The following EFCAB5 variants were observed in gnomAD, a reference collection of about 807,000 sequenced individuals.
EFCAB5 encodes EF-hand calcium-binding domain-containing protein 5.
In EFCAB5, 131 loss-of-function variants were observed where a neutral mutation model predicts 167.9. The ratio of observed to expected loss-of-function variants is 0.78; its 90% confidence interval spans 0.68 to 0.90. The LOEUF is 0.90. EFCAB5 is among the 40% of genes least tolerant of loss of function. The pLI is 0.00. For missense variants in EFCAB5, 1,663 were observed against 1,745.2 expected (o/e 0.95, Z 0.84); for synonymous variants, 574 against 602.8 (o/e 0.95, Z 0.70).
At chr17:29,930,671 C>T (rs1005908254) in intron 1 of EFCAB5, among the ~76,000 whole-genome samples, 1 of 152,204 alleles carries the variant, frequency 6.6e-6, no homozygotes, top group Non-Finnish European at 1.5e-5. Flanking sequence ...ACTCCCTTCA[C>T]CCCGGCTCTC....
In EFCAB5 at chr17:30,090,587, C is replaced by T. The variant is rs1323927008; in HGVS notation, c.3850C>T (p.Leu1284=). The T allele has an allele frequency of 1.2e-6, 2 of 1,613,890 alleles. No individual in the cohort carries two copies. Among genetic ancestry groups the T allele is most frequent in the Admixed American group, 3.3e-5 (2 of 60,014 alleles). The change falls in exon 20 of 23, where the codon CTA becomes TTA. Residue 1284 remains leucine, a synonymous_variant. Coordinates refer to ENST00000394835, the MANE Select transcript of EFCAB5 (RefSeq NM_198529.4). ...RMLLCQEYKD[L]QKMMKVVQVA... ...GTTGTTGTGTCAAGAATATAAAGAT[C>T]TACAGAAAATGATGAAAGTGGTCCA...
At chr17:30,078,156 C>T in intron 14 of EFCAB5, 59 bp from the exon 15 acceptor site, 1 of 1,503,778 alleles carries the variant, frequency 6.6e-7, no homozygotes. Flanking sequence ...GAATGAAAAT[C>T]CCCCCCACCA....
chr17:30,011,496 G>A (rs896645001), intron 7 of EFCAB5, among the ~76,000 whole-genome samples: 2 of 151,990 alleles, frequency 1.3e-5, no homozygotes, highest in Non-Finnish European at 2.9e-5. Context: ...AGTGGTTTGT[G>A]GTTCTCCTTG....
chr17:30,051,398 C>T (rs550234256), intron 9 of EFCAB5, among the ~76,000 whole-genome samples, 181 bp downstream of exon 9: 1 of 152,136 alleles, frequency 6.6e-6, no homozygotes, highest in Non-Finnish European at 1.5e-5. Context: ...ACGAAATTCA[C>T]TCTTCATCAC....
chr17:30,051,121 G>A lies in EFCAB5; in HGVS notation c.1204G>A (p.Gly402Arg). ...LFLHCDHGKV[G>R]FLDRQRTLAL... ...ACAAACTTTCTTCTTTGCTTAGGTA[G>A]GGTTTTTGGATCGGCAGAGGACATT... is the stretch of plus-strand genomic sequence containing the variant. Residue 402 changes from glycine (G) to arginine (R), a missense_variant, in exon 9 of 23, where the codon GGG becomes AGG. By Grantham distance (125) the Gly-to-Arg change is moderately radical (BLOSUM62 -2). Coordinates refer to ENST00000394835, the MANE Select transcript of EFCAB5 (RefSeq NM_198529.4). 1 of 1,613,530 alleles carries A rather than the reference G, an allele frequency of 6.2e-7. No homozygotes were observed. Among genetic ancestry groups the A allele is most frequent in the Non-Finnish European group, 8.5e-7 (1 of 1,179,604 alleles).
intron 3 of EFCAB5, among the ~76,000 whole-genome samples, chr17:29,950,378 T>A (rs930873534): frequency 9.2e-5 from 14 of 151,446 alleles, no homozygotes; most frequent in Non-Finnish European, 2.1e-4. Context: ...CTTTCTTTTT[T>A]AAAAAAATAC....
intron 8 of EFCAB5, among the ~76,000 whole-genome samples, chr17:30,040,069 C>T (rs780310298): frequency 5.3e-5 from 8 of 152,226 alleles, no homozygotes; most frequent in Non-Finnish European, 1.0e-4. Context: ...CTTGTGTGCA[C>T]AGTAGGCCAG....
At chr17:30,011,927 T>G (rs1040623637) in intron 7 of EFCAB5, among the ~76,000 whole-genome samples, 2 of 152,228 alleles carry the variant, frequency 1.3e-5, no homozygotes, top group African/African-American at 4.8e-5. Flanking sequence ...TAATTAATCA[T>G]TAGTAGTACT....
rs147009944 is a variant in EFCAB5, at chr17:30,080,786, T to C, written c.3231T>C (p.His1077=). 4.2e-5 allele frequency: 67 copies of C among 1,610,830 alleles called. 1 individual carries two copies. In the African/African-American group the frequency reaches 6.0e-4, roughly 14 times the overall value. ...FTVVDEGKPI[H]VPQVQYHGNI... is the part of the protein sequence containing the mutation. ...TAGTGGATGAAGGGAAGCCAATCCATGTTCCCCAAGTTCAGTACCATGGGA... is the reference window on the plus strand; with the variant it reads ...TAGTGGATGAAGGGAAGCCAATCCACGTTCCCCAAGTTCAGTACCATGGGA... Residue 1077 remains histidine, a synonymous_variant, in exon 17 of 23, where the codon CAT becomes CAC. Coordinates refer to ENST00000394835, the MANE Select transcript of EFCAB5 (RefSeq NM_198529.4).
intron 14 of EFCAB5, chr17:30,073,066 T>A (rs899450791): frequency 1.6e-6 from 1 of 637,718 alleles, no homozygotes; most frequent in Non-Finnish European, 2.8e-6. Flanking sequence ...CCTTTATTTT[T>A]TTTTTTTTGA....
intron 3 of EFCAB5, among the ~76,000 whole-genome samples, chr17:29,948,388 G>A (rs1311122549): frequency 6.6e-6 from 1 of 151,924 alleles, no homozygotes; most frequent in East Asian, 1.9e-4. Context: ...TGTTTAAATC[G>A]ATTTATCCCA....
intron 9 of EFCAB5, among the ~76,000 whole-genome samples, chr17:30,052,122 T>C (rs1324851441): frequency 2.0e-5 from 3 of 152,080 alleles, no homozygotes; most frequent in Admixed American, 2.0e-4. Context: ...CAGTTTATTT[T>C]CATTTTTTTT....
At chr17:30,080,618 G>T in intron 16 of EFCAB5, 135 bp from the exon 17 acceptor site, 1 of 654,978 alleles carries the variant, frequency 1.5e-6, no homozygotes, top group Non-Finnish European at 2.6e-6. Flanking sequence ...CTCCAAACTG[G>T]TCATCTTATC....
chr17:30,066,890 C>G (rs2070586275), intron 14 of EFCAB5, among the ~76,000 whole-genome samples: 1 of 152,004 alleles, frequency 6.6e-6, no homozygotes, highest in Admixed American at 6.6e-5. Context: ...AACTATATGC[C>G]AACATAATAG....
At chr17:29,930,033 T>C in intron 1 of EFCAB5, 1 of 1,574,986 alleles carries the variant, frequency 6.3e-7, no homozygotes, top group Non-Finnish European at 8.6e-7. Context: ...GGGCAGGGCA[T>C]TCTTGTCCTG....
At chr17:30,018,462 G>GT (rs199676370) in intron 7 of EFCAB5, among the ~76,000 whole-genome samples, 89 of 147,684 alleles carry the variant, frequency 6.0e-4, no homozygotes, top group East Asian at 5.7e-3. Flanking sequence ...GATTTTTATT[G>GT]TTTTTTTTTC....
At chr17:30,057,048 T>G (rs989293482) in intron 12 of EFCAB5, among the ~76,000 whole-genome samples, 1 of 152,210 alleles carries the variant, frequency 6.6e-6, no homozygotes, top group Non-Finnish European at 1.5e-5. Context: ...TACTTCATAC[T>G]GTACTATTGA....
chr17:29,947,610 G>A (rs1288783864), intron 3 of EFCAB5, among the ~76,000 whole-genome samples: 3 of 151,956 alleles, frequency 2.0e-5, no homozygotes, highest in African/African-American at 7.3e-5. Flanking sequence ...CACTTATTCT[G>A]TCTTTCTTAT....
intron 14 of EFCAB5, chr17:30,069,218 C>T (rs2070662040): frequency 6.5e-7 from 1 of 1,546,734 alleles, no homozygotes; most frequent in African/African-American, 1.4e-5. Flanking sequence ...TGAAGAAAAC[C>T]CTGCCACTGA....
Sources: gnomAD v4.1 joint callset for allele counts (sites outside exome capture counted in the v4.1 genomes callset) on GRCh38, gnomAD v4.1.1 for gene constraint, MANE v1.5 for transcripts, NCBI Gene and HGNC (gene_info 2026-07-23, HGNC 2026-07-21) for gene names.